IGF2R: variants seen among roughly 807,000 people sequenced by gnomAD.
The protein encoded by IGF2R is cation-independent mannose-6-phosphate receptor.
Under a neutral mutation model 270.6 loss-of-function variants are expected in IGF2R, and 91 were observed. The observed-to-expected ratio is 0.34, with a 90% CI of 0.28 to 0.40. The LOEUF (loss-of-function observed/expected upper bound fraction) is 0.40. Ranked by LOEUF, IGF2R falls within the 10% of genes least tolerant of loss-of-function variation. The pLI is 1.00. For synonymous variants in IGF2R, 1,316 were observed against 1,258.9 expected (o/e 1.05, Z -0.96); for missense variants, 2,805 against 3,188.3 (o/e 0.88, Z 2.90).
At chr6:160,032,414 A>G in intron 7 of IGF2R, 137 bp from the exon 8 acceptor site, 5 of 695,622 alleles carry the variant, frequency 7.2e-6, no homozygotes, top group South Asian at 1.9e-5. Flanking sequence ...GTTAGAGGCA[A>G]TTATGATTCA....
chr6:160,063,372 T>G, intron 26 of IGF2R, 43 bp from the exon 27 acceptor site: 2 of 1,430,572 alleles, frequency 1.4e-6, no homozygotes, highest in Non-Finnish European at 9.9e-7. Flanking sequence ...TGTGAATGCG[T>G]GTGTGGTTGC....
At chr6:159,988,085 G>A (rs959021281) in intron 1 of IGF2R, among the ~76,000 whole-genome samples, 1 of 152,090 alleles carries the variant, frequency 6.6e-6, no homozygotes. Flanking sequence ...TTTCTTTCTA[G>A]CAACCCTGAT....
At chr6:160,031,397 G>C (rs1262013420) in intron 7 of IGF2R, among the ~76,000 whole-genome samples, 1 of 151,206 alleles carries the variant, frequency 6.6e-6, no homozygotes, top group Admixed American at 6.6e-5. Context: ...TTTTTTTTTA[G>C]AACTGTGCAA....
chr6:160,100,607 G>C (rs1221755800), intron 45 of IGF2R, among the ~76,000 whole-genome samples: 1 of 151,898 alleles, frequency 6.6e-6, no homozygotes, highest in South Asian at 2.1e-4. Context: ...AGATTTAATA[G>C]ACATGCGCAG....
chr6:160,054,365 A>G (rs1260293894), intron 19 of IGF2R, among the ~76,000 whole-genome samples: 1 of 152,198 alleles, frequency 6.6e-6, no homozygotes, highest in East Asian at 1.9e-4. Context: ...GTATGTCGAA[A>G]GGTGAAGCAG....
chr6:160,043,684 C>T (rs1039318238), intron 12 of IGF2R, among the ~76,000 whole-genome samples: 5 of 152,172 alleles, frequency 3.3e-5, no homozygotes, highest in African/African-American at 1.2e-4. Context: ...TCAGCTGTAG[C>T]CCTAGTGTAA....
Position 160,084,079 on chromosome 6 carries a change from C to T in IGF2R, c.5963C>T (p.Pro1988Leu). The T allele has an allele frequency of 1.2e-6, 2 of 1,614,136 alleles. No homozygotes were observed. The highest frequency in any genetic ancestry group is 8.5e-7 in the Non-Finnish European group (1 of 1,180,002). ...TFEWKTKVVCPPKKLECKFVQ... is the reference protein window; with the variant it reads ...TFEWKTKVVCLPKKLECKFVQ... ...GAGTGGAAAACAAAAGTTGTCTGCC[C>T]TCCAAAGAAGTTGGAGTGCAAATTC... The change falls in exon 40 of 48, where the codon CCT becomes CTT. Residue 1988 changes from proline (P) to leucine (L), a missense_variant. Coordinates refer to ENST00000356956, the MANE Select transcript of IGF2R (RefSeq NM_000876.4). The surrounding 1 kb of genome is among the most constrained non-coding windows in gnomAD (Gnocchi z 4.6).
intron 10 of IGF2R, among the ~76,000 whole-genome samples, chr6:160,039,017 G>A (rs1354755894): frequency 6.6e-6 from 1 of 152,138 alleles, no homozygotes; most frequent in Non-Finnish European, 1.5e-5. Context: ...TGCTAAAATT[G>A]TACCTTTGCC....
chr6:160,089,398 A>G (rs1779168821), intron 43 of IGF2R, 145 bp downstream of exon 43: 1 of 666,260 alleles, frequency 1.5e-6, no homozygotes, highest in South Asian at 2.3e-5. Flanking sequence ...TCTTTTGCTT[A>G]AACTGAGGAA....
chr6:160,072,965 A>G lies in IGF2R; in HGVS notation c.4690+81A>G, dbSNP rs1328612450. The G allele has an allele frequency of 1.2e-5, 18 of 1,521,718 alleles. No individual in the cohort carries two copies. The African/African-American group carries it at 2.1e-4, about 18-fold the overall frequency. 94.3% of individuals were successfully genotyped at this position (1,521,718 alleles called of 1,614,324 possible). On this transcript the variant is annotated intron_variant, in intron 33 of 47. Coordinates refer to ENST00000356956, the MANE Select transcript of IGF2R (RefSeq NM_000876.4). Reference sequence around the variant, plus strand: ...CTCAGTCTCTTTGCATGCTAATGGCAAAAAGGATGAGCAGAGCCAGGAAGC... The same window carrying G: ...CTCAGTCTCTTTGCATGCTAATGGCGAAAAGGATGAGCAGAGCCAGGAAGC...
At chr6:160,073,501 A>G in intron 34 of IGF2R, 32 bp downstream of exon 34, 1 of 1,610,274 alleles carries the variant, frequency 6.2e-7, no homozygotes, top group Non-Finnish European at 8.5e-7. Flanking sequence ...GGAGAAGTGC[A>G]TGTCCAGTGC....
intron 2 of IGF2R, chr6:160,005,379 G>C (rs1025987244): frequency 6.6e-6 from 1 of 152,300 alleles, no homozygotes; most frequent in Non-Finnish European, 1.5e-5. Flanking sequence ...CGCAGTCCCT[G>C]CCTGGCCCTT....
At position 160,009,246 on chromosome 6, in the gene IGF2R, C is replaced by A. The variant is rs1178073798; in HGVS notation, c.414+112C>A. 8 of 886,430 alleles carry A rather than the reference C, an allele frequency of 9.0e-6. No individual in the cohort carries two copies. The East Asian group carries it at 1.6e-4, about 18-fold the overall frequency. The allele number at this position is 886,430 out of a possible 1,614,324, so 54.9% of individuals were successfully genotyped here. ...GAATCAGTGAGCAAACTTAGAAACACAAATAAGAAAAACCCTACCAAATGA... is the reference window on the plus strand; with the variant it reads ...GAATCAGTGAGCAAACTTAGAAACAAAAATAAGAAAAACCCTACCAAATGA... On this transcript the variant is annotated intron_variant, in intron 3 of 47. Coordinates refer to ENST00000356956, the MANE Select transcript of IGF2R (RefSeq NM_000876.4).
chr6:159,969,920 G>C (rs1279900132), intron 1 of IGF2R, among the ~76,000 whole-genome samples: 1 of 151,932 alleles, frequency 6.6e-6, no homozygotes, highest in East Asian at 1.9e-4. Context: ...CCCCCCGTGG[G>C]CTCATTTTCT....
chr6:160,005,634 G>A (rs558673496), intron 2 of IGF2R: 10 of 152,282 alleles, frequency 6.6e-5, no homozygotes, highest in Admixed American at 5.2e-4. Flanking sequence ...ACACAGAGGG[G>A]TCACCCTATG....
chr6:160,098,492 C>T (rs546734269), intron 45 of IGF2R, among the ~76,000 whole-genome samples: 9 of 151,878 alleles, frequency 5.9e-5, no homozygotes, highest in Admixed American at 5.9e-4. Flanking sequence ...ATTTTTTTTT[C>T]CCCAAATGTT....
intron 2 of IGF2R, among the ~76,000 whole-genome samples, chr6:160,000,563 C>T (rs1583250779): frequency 6.6e-6 from 1 of 151,854 alleles, no homozygotes; most frequent in African/African-American, 2.4e-5. Flanking sequence ...CAAATCAGAG[C>T]AATTATGAGA....
Position 159,974,733 on chromosome 6 carries a change from C to G in IGF2R, c.149+5338C>G, listed in dbSNP as rs371869605. 1.1e-4 allele frequency among the ~76,000 whole-genome samples: 17 copies of G among 152,116 alleles called. No individual in the cohort carries two copies. In the South Asian group the frequency reaches 3.5e-3, roughly 32 times the overall value. On this transcript the variant is annotated intron_variant, in intron 1 of 47. Coordinates refer to ENST00000356956, the MANE Select transcript of IGF2R (RefSeq NM_000876.4). ...ACCACTCCCCCTCCCCCAGTGGTAACAAATAAAAATGTCTCCAGGCATATC... is the reference window on the plus strand; with the variant it reads ...ACCACTCCCCCTCCCCCAGTGGTAAGAAATAAAAATGTCTCCAGGCATATC...
chr6:160,045,602 G>A (rs1206915161), intron 13 of IGF2R, 143 bp from the exon 14 acceptor site: 2 of 893,650 alleles, frequency 2.2e-6, no homozygotes, highest in Non-Finnish European at 3.7e-6. Context: ...TACAGTATTT[G>A]TAGGGCTGTT....
Sources: gnomAD v4.1 joint callset for allele counts (sites outside exome capture counted in the v4.1 genomes callset) on GRCh38, gnomAD v4.1.1 for gene constraint, Gnocchi (gnomAD v3.1) non-coding constraint, MANE v1.5 for transcripts, NCBI Gene and HGNC (gene_info 2026-07-23, HGNC 2026-07-21) for gene names.